The following GALNT17 variants were observed in gnomAD, a reference collection of about 807,000 sequenced individuals.
GALNT17 encodes UDP-GalNAc:polypeptide N-acetylgalactosaminyltransferase-like 3.
GALNT17 carries 29 observed loss-of-function variants against 63.7 expected under a neutral mutation model. The observed-to-expected ratio is 0.46, with a 90% CI of 0.34 to 0.62. GALNT17 has a LOEUF of 0.62. Among genes scored for constraint, GALNT17 ranks in the 20% least tolerant of loss-of-function variants. GALNT17 has a pLI of 0.01. For missense variants in GALNT17, 603 were observed against 799.6 expected (o/e 0.75, Z 2.97); for synonymous variants, 305 against 318.3 (o/e 0.96, Z 0.45).
chr7:71,516,596 A>G (rs1788448937), intron 5 of GALNT17, among the ~76,000 whole-genome samples: 1 of 152,212 alleles, frequency 6.6e-6, no homozygotes, highest in Non-Finnish European at 1.5e-5. Flanking sequence ...GGGTGCAGGT[A>G]TACATCTTGT....
chr7:71,342,601 A>G (rs1443401411), intron 2 of GALNT17, among the ~76,000 whole-genome samples: 1 of 152,222 alleles, frequency 6.6e-6, no homozygotes, highest in African/African-American at 2.4e-5. Flanking sequence ...CTCAGCTCTG[A>G]GCAATATATT....
intron 5 of GALNT17, among the ~76,000 whole-genome samples, chr7:71,500,107 T>TA (rs1314429843): frequency 6.6e-6 from 1 of 152,196 alleles, no homozygotes; most frequent in African/African-American, 2.4e-5. Context: ...CAGGCAGTCC[T>TA]TTATAGCAGT....
At chr7:71,526,042 G>A (rs532736543) in intron 5 of GALNT17, among the ~76,000 whole-genome samples, 3 of 152,004 alleles carry the variant, frequency 2.0e-5, no homozygotes, top group African/African-American at 2.4e-5. Flanking sequence ...GCCCGGCCTC[G>A]AGTATGTCGT....
chr7:71,514,521 T>G (rs2116734069), intron 5 of GALNT17, among the ~76,000 whole-genome samples: 1 of 152,206 alleles, frequency 6.6e-6, no homozygotes, highest in East Asian at 1.9e-4. Context: ...TCTGTCTTTC[T>G]TTTCTCCAGC....
intron 1 of GALNT17, among the ~76,000 whole-genome samples, chr7:71,148,882 ATATATATATATG>A (rs916294872): frequency 3.5e-5 from 5 of 141,360 alleles, no homozygotes; most frequent in Non-Finnish European, 7.5e-5. Context: ...ATATATATAT[ATATATATATATG>A]TATACCATAG....
chr7:71,697,906 T>C (rs183227766), intron 9 of GALNT17, among the ~76,000 whole-genome samples: 5 of 152,178 alleles, frequency 3.3e-5, no homozygotes, highest in Admixed American at 2.0e-4. Flanking sequence ...GCAGATCACC[T>C]GAGGTCAGGA....
At chr7:71,562,313 G>C (rs1789270167) in intron 5 of GALNT17, among the ~76,000 whole-genome samples, 1 of 152,088 alleles carries the variant, frequency 6.6e-6, no homozygotes, top group Non-Finnish European at 1.5e-5. Flanking sequence ...ACTGGAGCCT[G>C]CTCTTCCCAT....
At chr7:71,200,053 A>G (rs1789138234) in intron 1 of GALNT17, among the ~76,000 whole-genome samples, 1 of 152,134 alleles carries the variant, frequency 6.6e-6, no homozygotes, top group Admixed American at 6.5e-5. Flanking sequence ...AAATCTGCTG[A>G]CTTCTTGAAG....
At chr7:71,592,743 A>C (rs1789828559) in intron 6 of GALNT17, among the ~76,000 whole-genome samples, 1 of 152,066 alleles carries the variant, frequency 6.6e-6, no homozygotes, top group Non-Finnish European at 1.5e-5. Flanking sequence ...GCTCCCCCTG[A>C]TTGGAAACAT....
intron 5 of GALNT17, among the ~76,000 whole-genome samples, chr7:71,501,987 G>T (rs962896140): frequency 5.9e-5 from 9 of 152,118 alleles, no homozygotes; most frequent in Non-Finnish European, 1.3e-4. Flanking sequence ...GCTGCACTCA[G>T]ATTCCATTCC....
intron 1 of GALNT17, among the ~76,000 whole-genome samples, chr7:71,201,241 T>TTTTATATATATA (rs1789163354): frequency 1.4e-5 from 2 of 138,382 alleles, no homozygotes; most frequent in African/African-American, 5.7e-5. Context: ...GTGTTTATTT[T>TTTTATATATATA]TATATATATA....
chr7:71,489,657 G>C (rs1787973866), intron 5 of GALNT17, among the ~76,000 whole-genome samples: 1 of 152,244 alleles, frequency 6.6e-6, no homozygotes, highest in East Asian at 1.9e-4. Context: ...ACGAGACATG[G>C]GATTTTACTA....
At chr7:71,162,524 T>C (rs1445607888) in intron 1 of GALNT17, among the ~76,000 whole-genome samples, 1 of 152,106 alleles carries the variant, frequency 6.6e-6, no homozygotes, top group East Asian at 1.9e-4. Flanking sequence ...TTATTAATAA[T>C]TTCAATATGA....
chr7:71,616,624 T>A (rs1311957234), intron 6 of GALNT17, among the ~76,000 whole-genome samples: 1 of 144,792 alleles, frequency 6.9e-6, no homozygotes, highest in African/African-American at 2.5e-5. Context: ...ATATTTTATA[T>A]TTATATGTAA....
intron 2 of GALNT17, among the ~76,000 whole-genome samples, chr7:71,367,573 T>G (rs1413891223): frequency 1.3e-5 from 2 of 152,018 alleles, no homozygotes; most frequent in Non-Finnish European, 2.9e-5. Context: ...CAGGTTACAG[T>G]GGGGCCCCCA....
chr7:71,391,979 T>C (rs1793060093), intron 3 of GALNT17, among the ~76,000 whole-genome samples: 1 of 152,020 alleles, frequency 6.6e-6, no homozygotes, highest in Non-Finnish European at 1.5e-5. Context: ...GGTCCCAGAC[T>C]CTGTGAGAAC....
At chr7:71,628,155 A>T (rs1173494646) in intron 6 of GALNT17, among the ~76,000 whole-genome samples, 1 of 152,140 alleles carries the variant, frequency 6.6e-6, no homozygotes, top group African/African-American at 2.4e-5. Context: ...GAAGGACCAG[A>T]TCTTATTTCC....
Position 71,635,521 on chromosome 7 carries a change from A to T in GALNT17, c.1081-29890A>T, listed in dbSNP as rs543327929. ...ATTTTTGTTTACACATTATATTTGTATGTATTTATGGGGTACATGGGAAAT... is the reference window on the plus strand; with the variant it reads ...ATTTTTGTTTACACATTATATTTGTTTGTATTTATGGGGTACATGGGAAAT... On this transcript the variant is annotated intron_variant, in intron 6 of 10. Coordinates refer to ENST00000333538, the MANE Select transcript of GALNT17 (RefSeq NM_022479.3). 2.0e-5 allele frequency among the ~76,000 whole-genome samples: 3 copies of T among 152,286 alleles called. No individual in the cohort carries two copies. The South Asian group carries it at 6.2e-4, about 32-fold the overall frequency.
intron 6 of GALNT17, among the ~76,000 whole-genome samples, chr7:71,583,355 A>G (rs1242096855): frequency 1.3e-5 from 2 of 152,134 alleles, no homozygotes; most frequent in Non-Finnish European, 1.5e-5. Context: ...CGGCCTCCCG[A>G]AGTGCTAGGA....
Sources: gnomAD v4.1 joint callset for allele counts (sites outside exome capture counted in the v4.1 genomes callset) on GRCh38, gnomAD v4.1.1 for gene constraint, MANE v1.5 for transcripts, NCBI Gene and HGNC (gene_info 2026-07-23, HGNC 2026-07-21) for gene names.